Variants in C10orf90 observed in about 807,000 individuals in gnomAD.
The protein encoded by C10orf90 is (E2-independent) E3 ubiquitin-conjugating enzyme FATS.
C10orf90 carries 56 observed loss-of-function variants against 62.5 expected under a neutral mutation model. The observed-to-expected ratio is 0.90, with a 90% CI of 0.72 to 1.12. The LOEUF (loss-of-function observed/expected upper bound fraction) is 1.12, where lower values mean the gene tolerates loss of function less well. Ranked by LOEUF, C10orf90 falls within the 50% of genes most tolerant of loss-of-function variation. The pLI is 0.00. For missense variants in C10orf90, 970 were observed against 880.4 expected, an observed-to-expected ratio of 1.10 and a Z score of -1.29; for synonymous variants, 386 against 340.4, an observed-to-expected ratio of 1.13 and a Z score of -1.47.
chr10:126,447,493 A>AAT (rs1590917200), intron 7 of C10orf90, among the ~76,000 whole-genome samples: 2 of 152,120 alleles, frequency 1.3e-5, no homozygotes, highest in South Asian at 4.1e-4. Context: ...AACAATTACA[A>AAT]ATATATATAT....
At position 126,508,826 on chromosome 10, in the gene C10orf90, C is replaced by T. The variant is rs139758023; in HGVS notation, c.406-3741G>A. The stretch of plus-strand genomic sequence containing the variant: ...GTGGTCTCCAGTATCAAGAGAGTAC[C>T]TACTCTTCAGGCTTAGGACACCATG... On this transcript the variant is annotated intron_variant, in intron 3 of 9. Coordinates refer to ENST00000488181, the MANE Select transcript of C10orf90 (RefSeq NM_001350921.2). 7.7e-4 allele frequency among the ~76,000 whole-genome samples: 118 copies of T among 152,284 alleles called. No individual in the cohort carries two copies. In the Middle Eastern group the frequency reaches 0.027, roughly 35 times the overall value.
intron 7 of C10orf90, among the ~76,000 whole-genome samples, chr10:126,448,017 CTTTTTTTTTTTTTTT>C (rs1186409126): frequency 1.3e-5 from 1 of 79,202 alleles, no homozygotes; most frequent in Non-Finnish European, 2.3e-5. Flanking sequence ...ATGCCTGGCT[CTTTTTTTTTTTTTTT>C]TTTTTTTTTT....
chr10:126,441,780 A>C (rs1858344420), intron 7 of C10orf90, among the ~76,000 whole-genome samples: 1 of 152,188 alleles, frequency 6.6e-6, no homozygotes, highest in Admixed American at 6.5e-5. Context: ...TATCAAGTGA[A>C]ACTAAGTGTT....
chr10:126,506,006 G>A (rs567298777), intron 3 of C10orf90, among the ~76,000 whole-genome samples: 3 of 152,206 alleles, frequency 2.0e-5, no homozygotes, highest in Non-Finnish European at 2.9e-5. Flanking sequence ...AAATGCCCAC[G>A]TTTGCCCAGA....
At chr10:126,576,755 GATAAT>G (rs1844633281) in intron 2 of C10orf90, among the ~76,000 whole-genome samples, 1 of 61,178 alleles carries the variant, frequency 1.6e-5, no homozygotes, top group African/African-American at 7.5e-5. Context: ...TATACATATA[GATAAT>G]ATGTATATGT....
intron 7 of C10orf90, among the ~76,000 whole-genome samples, chr10:126,437,852 T>C (rs1410310606): frequency 6.6e-6 from 1 of 152,154 alleles, no homozygotes; most frequent in Non-Finnish European, 1.5e-5. Context: ...AGCAGCTGCA[T>C]GTGAAGGCAA....
chr10:126,482,184 G>A (rs1233735172), intron 4 of C10orf90, among the ~76,000 whole-genome samples: 1 of 152,162 alleles, frequency 6.6e-6, no homozygotes, highest in Admixed American at 6.5e-5. Context: ...TTAAATAAAT[G>A]TGCTATGCTT....
chr10:126,620,254 G>T (rs1845619667), intron 2 of C10orf90, among the ~76,000 whole-genome samples: 1 of 151,916 alleles, frequency 6.6e-6, no homozygotes, highest in South Asian at 2.1e-4. Flanking sequence ...TTACATTTAA[G>T]TCAGTAATCC....
At chr10:126,575,718 G>A (rs891557436) in intron 2 of C10orf90, among the ~76,000 whole-genome samples, 12 of 151,886 alleles carry the variant, frequency 7.9e-5, no homozygotes, top group South Asian at 2.1e-4. Flanking sequence ...TCATGGTACC[G>A]GCATAAAAAC....
chr10:126,655,834 C>CAAAAAAAAAAAA (rs1195360598), intron 1 of C10orf90, among the ~76,000 whole-genome samples: 38 of 126,328 alleles, frequency 3.0e-4, no homozygotes, highest in African/African-American at 3.9e-4. Flanking sequence ...CAAAACAAAA[C>CAAAAAAAAAAAA]AAAACAAAAA....
At chr10:126,668,039 G>A (rs1164714697) in intron 1 of C10orf90, among the ~76,000 whole-genome samples, 7 of 152,084 alleles carry the variant, frequency 4.6e-5, no homozygotes, top group Non-Finnish European at 7.4e-5. Flanking sequence ...GATCATCCCT[G>A]GGCTGCAGTT....
At chr10:126,567,066 C>T (rs916304536) in intron 2 of C10orf90, among the ~76,000 whole-genome samples, 17 of 152,062 alleles carry the variant, frequency 1.1e-4, no homozygotes, top group Non-Finnish European at 1.9e-4. Context: ...GGGGACCCTG[C>T]GGGGAGCCAC....
intron 4 of C10orf90, among the ~76,000 whole-genome samples, chr10:126,483,705 G>C (rs1861279134): frequency 6.6e-6 from 1 of 152,198 alleles, no homozygotes; most frequent in South Asian, 2.1e-4. Context: ...ATGCCAACCA[G>C]ATGCAGGTAT....
At position 126,630,463 on chromosome 10, in the gene C10orf90, G is replaced by T. The variant is rs182429355; in HGVS notation, c.313+16102C>A. 2.6e-4 allele frequency among the ~76,000 whole-genome samples: 40 copies of T among 152,282 alleles called. No homozygotes were observed. In the East Asian group the frequency reaches 6.4e-3, roughly 24 times the overall value. On this transcript the variant is annotated intron_variant, in intron 2 of 9. Transcript: ENST00000488181. The stretch of plus-strand genomic sequence containing the variant: ...TAGAGGGGTCCTGGGCTTGGCGATG[G>T]TGGGGTCGGGAACGGGGAGAAGAGC...
intron 4 of C10orf90, among the ~76,000 whole-genome samples, chr10:126,490,737 A>G (rs1265434910): frequency 1.3e-5 from 2 of 152,144 alleles, no homozygotes; most frequent in Non-Finnish European, 2.9e-5. Context: ...GAGAGAATCT[A>G]TATATCTCTA....
intron 2 of C10orf90, among the ~76,000 whole-genome samples, chr10:126,578,394 T>C (rs148239762): frequency 5.3e-5 from 8 of 152,272 alleles, no homozygotes; most frequent in African/African-American, 1.9e-4. Flanking sequence ...CTCAACCACA[T>C]TAATCATCAG....
chr10:126,503,031 G>T (rs558204429), intron 4 of C10orf90, among the ~76,000 whole-genome samples: 7 of 152,128 alleles, frequency 4.6e-5, no homozygotes, highest in Non-Finnish European at 8.8e-5. Flanking sequence ...AATAAAAGTT[G>T]TACCGTAAAA....
At position 126,505,023 on chromosome 10, in the gene C10orf90, A is replaced by T; in HGVS notation, c.468T>A (p.Asp156Glu). 2.5e-6 allele frequency: 4 copies of T among 1,614,104 alleles called. No homozygotes were observed. The highest frequency in any genetic ancestry group is 2.5e-6 in the Non-Finnish European group (3 of 1,179,972). ...ISSIVISQMIDENKSRENRAS... is the reference protein window; with the variant it reads ...ISSIVISQMIEENKSRENRAS... ...CCCTGTTTTCTCTTGACTTATTCTCATCAATCATCTGGGAGATGACTATGG... is the reference window on the plus strand; with the variant it reads ...CCCTGTTTTCTCTTGACTTATTCTCTTCAATCATCTGGGAGATGACTATGG... Residue 156 changes from aspartate (D) to glutamate (E), a missense_variant, in exon 4 of 10, where the codon GAT (aspartate) becomes GAA (glutamate). Asp to Glu is a conservative substitution (Grantham distance 45). Transcript: ENST00000488181.
At chr10:126,584,924 A>C (rs573412150) in intron 2 of C10orf90, among the ~76,000 whole-genome samples, 1 of 152,070 alleles carries the variant, frequency 6.6e-6, no homozygotes, top group African/African-American at 2.4e-5. Context: ...AAAAGTACAC[A>C]CAGACACATA....
Sources: gnomAD v4.1 joint callset for allele counts (sites outside exome capture counted in the v4.1 genomes callset) on GRCh38, gnomAD v4.1.1 for gene constraint, MANE v1.5 for transcripts, NCBI Gene and HGNC (gene_info 2026-07-23, HGNC 2026-07-21) for gene names.